PARD3B: variants seen among roughly 807,000 people sequenced by gnomAD.
PARD3B encodes par-3 family cell polarity regulator beta.
A neutral mutation model predicts 130.2 loss-of-function variants in PARD3B; 103 were observed. The observed-to-expected ratio is 0.79, with a 90% CI of 0.67 to 0.93. PARD3B has a LOEUF of 0.93. Among genes scored for constraint, PARD3B ranks in the 40% least tolerant of loss-of-function variants. PARD3B has a pLI of 0.00. For missense variants in PARD3B, 1,609 were observed against 1,499.2 expected, an observed-to-expected ratio of 1.07 and a Z score of -1.21; for synonymous variants, 583 against 553.2, an observed-to-expected ratio of 1.05 and a Z score of -0.76.
chr2:205,175,628 GC>G (rs34283110), intron 12 of PARD3B, among the ~76,000 whole-genome samples: 1 of 152,186 alleles, frequency 6.6e-6, no homozygotes, highest in East Asian at 1.9e-4. Context: ...CAAGGGAACA[GC>G]CATGAGATGG....
chr2:205,554,499 A>T (rs2052792105), intron 22 of PARD3B, among the ~76,000 whole-genome samples: 1 of 152,260 alleles, frequency 6.6e-6, no homozygotes, highest in African/African-American at 2.4e-5. Context: ...ACAATATTTT[A>T]AAACTTTTAT....
At chr2:205,415,956 A>T (rs1160816126) in intron 19 of PARD3B, among the ~76,000 whole-genome samples, 1 of 152,200 alleles carries the variant, frequency 6.6e-6, no homozygotes, top group African/African-American at 2.4e-5. Context: ...TTGAAAACAT[A>T]TGCAACTATG....
intron 2 of PARD3B, among the ~76,000 whole-genome samples, chr2:204,935,039 G>A (rs1446972769): frequency 6.6e-6 from 1 of 151,886 alleles, no homozygotes; most frequent in Non-Finnish European, 1.5e-5. Context: ...GTTATATGAC[G>A]CTTGATTATA....
chr2:204,771,857 T>A (rs2041401794), intron 2 of PARD3B, among the ~76,000 whole-genome samples: 3 of 152,004 alleles, frequency 2.0e-5, no homozygotes, highest in Admixed American at 2.0e-4. Flanking sequence ...ACTTTAAAAA[T>A]TATTGATCAC....
intron 2 of PARD3B, among the ~76,000 whole-genome samples, chr2:204,778,231 A>G (rs1454357938): frequency 6.6e-6 from 1 of 152,028 alleles, no homozygotes; most frequent in Non-Finnish European, 1.5e-5. Flanking sequence ...GTTTTGCAAA[A>G]CATTTCTTGC....
At chr2:205,490,678 A>T (rs1439256458) in intron 20 of PARD3B, among the ~76,000 whole-genome samples, 1 of 152,206 alleles carries the variant, frequency 6.6e-6, no homozygotes, top group Admixed American at 6.5e-5. Flanking sequence ...ATCCCTGAGG[A>T]ATCGCCACAC....
chr2:204,566,232 A>G (rs539628671), intron 1 of PARD3B, among the ~76,000 whole-genome samples: 1 of 152,338 alleles, frequency 6.6e-6, no homozygotes, highest in African/African-American at 2.4e-5. Context: ...ATCAGCACCA[A>G]TTAGTCATTT....
intron 15 of PARD3B, among the ~76,000 whole-genome samples, chr2:205,201,857 C>T (rs551371980): frequency 6.6e-6 from 1 of 152,100 alleles, no homozygotes; most frequent in East Asian, 1.9e-4. Flanking sequence ...ATAAATAAAA[C>T]GTATTATAAT....
intron 20 of PARD3B, among the ~76,000 whole-genome samples, chr2:205,462,608 T>C (rs1472284764): frequency 1.3e-5 from 2 of 152,216 alleles, no homozygotes; most frequent in African/African-American, 2.4e-5. Context: ...TAATAAACAC[T>C]AACACTTTTC....
At chr2:205,024,843 A>G (rs1032245551) in intron 3 of PARD3B, among the ~76,000 whole-genome samples, 1 of 152,248 alleles carries the variant, frequency 6.6e-6, no homozygotes, top group Non-Finnish European at 1.5e-5. Flanking sequence ...TTGTGGAACC[A>G]TAAACAGCAT....
intron 2 of PARD3B, among the ~76,000 whole-genome samples, chr2:204,883,976 A>G (rs2046177694): frequency 6.6e-6 from 1 of 151,428 alleles, no homozygotes; most frequent in Admixed American, 6.6e-5. Context: ...TGACCTGGTG[A>G]TCCACCCGCC....
At chr2:204,852,653 A>T (rs1270601314) in intron 2 of PARD3B, among the ~76,000 whole-genome samples, 1 of 150,806 alleles carries the variant, frequency 6.6e-6, no homozygotes, top group Non-Finnish European at 1.5e-5. Context: ...CTCAGTCTTA[A>T]TGTGCTTGAG....
intron 6 of PARD3B, among the ~76,000 whole-genome samples, chr2:205,117,501 G>A (rs367649617): frequency 2.6e-5 from 4 of 152,322 alleles, no homozygotes; most frequent in East Asian, 1.9e-4. Flanking sequence ...GTTCAACTCC[G>A]TGGCCACTCC....
rs759165953 is a variant in PARD3B, at chr2:205,253,938, T to C, written c.2185+8116T>C. Among the ~76,000 whole-genome samples the C allele has an allele frequency of 6.6e-6, 1 of 151,850 alleles. No individual in the cohort carries two copies. Among genetic ancestry groups the C allele is most frequent in the Non-Finnish European group, 1.5e-5 (1 of 67,964 alleles). ...CACAGAGGTGGTTTGAAAGAAGAGGTTGGGTTGAAAATGAACAGTATTTTG... is the reference window on the plus strand; with the variant it reads ...CACAGAGGTGGTTTGAAAGAAGAGGCTGGGTTGAAAATGAACAGTATTTTG... On this transcript the variant is annotated intron_variant, in intron 16 of 22. Coordinates refer to ENST00000406610, the MANE Select transcript of PARD3B (RefSeq NM_001302769.2). This position sits in a 1 kb window ranked among gnomAD's most constrained non-coding sequence, Gnocchi z 4.4.
intron 1 of PARD3B, among the ~76,000 whole-genome samples, chr2:204,587,900 C>T (rs2032899048): frequency 6.6e-6 from 1 of 152,124 alleles, no homozygotes; most frequent in Non-Finnish European, 1.5e-5. Context: ...GTTTTCCTCC[C>T]ACTTTGCTCT....
chr2:204,766,983 C>CTTTT (rs1559128925), intron 2 of PARD3B, among the ~76,000 whole-genome samples: 2 of 66,838 alleles, frequency 3.0e-5, no homozygotes, highest in African/African-American at 9.1e-5. Flanking sequence ...TTTTTTTTCA[C>CTTTT]ATTTTTTATT....
intron 2 of PARD3B, among the ~76,000 whole-genome samples, chr2:204,786,113 CAAAAAAA>C (rs56704816): frequency 2.1e-5 from 2 of 94,030 alleles, no homozygotes; most frequent in African/African-American, 7.8e-5. Context: ...GACTCCATCT[CAAAAAAA>C]AAAAAAAAAA....
At chr2:205,543,436 A>C (rs2052252713) in intron 21 of PARD3B, among the ~76,000 whole-genome samples, 1 of 152,232 alleles carries the variant, frequency 6.6e-6, no homozygotes, top group African/African-American at 2.4e-5. Flanking sequence ...ACTTGCAGAC[A>C]GTCACAGACT....
intron 1 of PARD3B, among the ~76,000 whole-genome samples, chr2:204,630,517 TATA>T (rs1373781419): frequency 6.6e-6 from 1 of 152,218 alleles, no homozygotes; most frequent in East Asian, 1.9e-4. Flanking sequence ...GATGTTATTT[TATA>T]ATGATTTATT....
Sources: gnomAD v4.1 joint callset for allele counts (sites outside exome capture counted in the v4.1 genomes callset) on GRCh38, gnomAD v4.1.1 for gene constraint, Gnocchi (gnomAD v3.1) non-coding constraint, MANE v1.5 for transcripts, NCBI Gene and HGNC (gene_info 2026-07-23, HGNC 2026-07-21) for gene names.